TMEM135: variants seen among roughly 807,000 people sequenced by gnomAD.
The protein encoded by TMEM135 is transmembrane protein 135, also known as peroxisomal membrane protein 52.
TMEM135 carries 30 observed loss-of-function variants against 60.3 expected under a neutral mutation model. The ratio of observed to expected loss-of-function variants is 0.50; its 90% CI spans 0.37 to 0.68. The LOEUF is 0.68. Among genes scored for constraint, TMEM135 ranks in the 30% least tolerant of loss-of-function variants. The pLI, the probability that TMEM135 is intolerant of heterozygous loss-of-function variation, is 0.00. For missense variants in TMEM135, 468 were observed against 548.8 expected (o/e 0.85, Z 1.47); for synonymous variants, 190 against 186.7 (o/e 1.02, Z -0.14).
intron 3 of TMEM135, among the ~76,000 whole-genome samples, chr11:87,088,296 CA>C (rs1857138293): frequency 6.6e-6 from 1 of 152,144 alleles, no homozygotes; most frequent in Admixed American, 6.5e-5. Flanking sequence ...CACACCCTTC[CA>C]GTCAAAGCCT....
chr11:87,238,819 A>T (rs1941064981), intron 6 of TMEM135, among the ~76,000 whole-genome samples: 1 of 152,072 alleles, frequency 6.6e-6, no homozygotes, highest in Non-Finnish European at 1.5e-5. Context: ...CTAGAAACAT[A>T]ACTTGTTGAC....
At chr11:87,063,316 C>CT (rs1410614604) in intron 1 of TMEM135, among the ~76,000 whole-genome samples, 4 of 151,564 alleles carry the variant, frequency 2.6e-5, no homozygotes, top group Non-Finnish European at 5.9e-5. Context: ...TATGATGTGC[C>CT]TTTTTTTAGC....
intron 3 of TMEM135, among the ~76,000 whole-genome samples, chr11:87,080,212 C>T (rs1286181101): frequency 1.5e-5 from 2 of 136,674 alleles, no homozygotes; most frequent in Non-Finnish European, 3.0e-5. Context: ...AGATCATTGA[C>T]AGTGATGTTT....
At chr11:87,214,808 AATAAAGT>A (rs1288349488) in intron 5 of TMEM135, among the ~76,000 whole-genome samples, 1 of 152,206 alleles carries the variant, frequency 6.6e-6, no homozygotes, top group South Asian at 2.1e-4. Flanking sequence ...CAAAGTTCTT[AATAAAGT>A]ATAGAGTTAA....
chr11:87,232,159 C>T (rs1024439324), intron 5 of TMEM135, among the ~76,000 whole-genome samples: 1 of 152,050 alleles, frequency 6.6e-6, no homozygotes, highest in Admixed American at 6.6e-5. Context: ...CCATGTTGGA[C>T]AGACTGGTCA....
At chr11:87,121,070 G>A (rs1263538090) in intron 4 of TMEM135, 1 of 152,154 alleles carries the variant, frequency 6.6e-6, no homozygotes, top group African/African-American at 2.4e-5. Context: ...GGAAGAAGGG[G>A]CAGAACAACT....
Position 87,318,177 on chromosome 11 carries a change from A to G in TMEM135, c.1118A>G (p.Tyr373Cys), listed in dbSNP as rs769086722. 34 of 1,612,902 alleles carry G rather than the reference A, an allele frequency of 2.1e-5. No individual in the cohort carries two copies. Among genetic ancestry groups the G allele is most frequent in the Non-Finnish European group, 2.7e-5 (32 of 1,179,728 alleles). The change falls in exon 13 of 15, where the codon TAT (tyrosine) becomes TGT (cysteine). Residue 373 changes from tyrosine to cysteine, a missense_variant. Transcript: ENST00000305494. ...FKGIEAGKVP[Y>C]FPHADTIIYS... ...GGCATTGAAGCAGGGAAGGTTCCCT[A>G]TTTTCCTCATGCAGATACTATCATC... is the stretch of plus-strand genomic sequence containing the variant.
intron 5 of TMEM135, among the ~76,000 whole-genome samples, chr11:87,217,485 G>A (rs1050321847): frequency 9.9e-5 from 15 of 152,146 alleles, no homozygotes; most frequent in African/African-American, 3.6e-4. Context: ...AAATAGAACT[G>A]TTCTAAAAAG....
intron 6 of TMEM135, among the ~76,000 whole-genome samples, chr11:87,245,078 A>G (rs1370748531): frequency 7.3e-6 from 1 of 136,114 alleles, no homozygotes; most frequent in Non-Finnish European, 1.6e-5. Flanking sequence ...TTCAAAGAAC[A>G]TCTTTATTTC....
chr11:87,179,461 G>A (rs1316664175), intron 5 of TMEM135, among the ~76,000 whole-genome samples: 1 of 151,858 alleles, frequency 6.6e-6, no homozygotes, highest in African/African-American at 2.4e-5. Context: ...CCTAGTTGGG[G>A]GTCACAAAGA....
At chr11:87,140,503 A>G (rs1938233104) in intron 4 of TMEM135, among the ~76,000 whole-genome samples, 2 of 152,202 alleles carry the variant, frequency 1.3e-5, no homozygotes, top group Non-Finnish European at 2.9e-5. Context: ...TTTATGTTAT[A>G]GTTACAAAGG....
intron 5 of TMEM135, 86 bp downstream of exon 5, chr11:87,157,492 C>G: frequency 1.7e-6 from 2 of 1,185,070 alleles, no homozygotes; most frequent in South Asian, 1.3e-5. Context: ...ATCTATGATG[C>G]TTTGTCTAAG....
chr11:87,143,884 C>G (rs1938333521), intron 4 of TMEM135, among the ~76,000 whole-genome samples: 1 of 152,098 alleles, frequency 6.6e-6, no homozygotes, highest in South Asian at 2.1e-4. Context: ...GGTGCGCACC[C>G]CTTGGCAAGA....
chr11:87,142,621 A>G (rs771724087), intron 4 of TMEM135, among the ~76,000 whole-genome samples: 2 of 152,020 alleles, frequency 1.3e-5, no homozygotes, highest in African/African-American at 2.4e-5. Flanking sequence ...AAATTTGAGT[A>G]TGATGTGTCC....
At chr11:87,160,772 C>A (rs1938849008) in intron 5 of TMEM135, among the ~76,000 whole-genome samples, 1 of 152,182 alleles carries the variant, frequency 6.6e-6, no homozygotes, top group Non-Finnish European at 1.5e-5. Flanking sequence ...AAAAAATACC[C>A]TTCACAAATC....
Position 87,320,971 on chromosome 11 carries a change from A to G in TMEM135, c.1245-230A>G, listed in dbSNP as rs1190437180. On this transcript the variant is annotated intron_variant, in intron 14 of 14. Transcript: ENST00000305494. ...AATCTCTGCGGTTTCAGATCTGGGG[A>G]TTATCTCTTTAATCCTTAATCCTAA... 2.6e-5 allele frequency among the ~76,000 whole-genome samples: 4 copies of G among 152,078 alleles called. No homozygotes were observed. In the East Asian group the frequency reaches 7.7e-4, roughly 29 times the overall value.
Position 87,180,573 on chromosome 11 carries a change from G to A in TMEM135, c.462+23167G>A, listed in dbSNP as rs185437444. On this transcript the variant is annotated intron_variant, in intron 5 of 14. Coordinates refer to ENST00000305494, the MANE Select transcript of TMEM135 (RefSeq NM_022918.4). ...GACATCCCTAAGCTGAGCATGTGTG[G>A]AACTTTTTCAAGGAGATGAAATAAA... Among the ~76,000 whole-genome samples the A allele has an allele frequency of 1.4e-4, 21 of 152,188 alleles. No individual in the cohort carries two copies. In the East Asian group the frequency reaches 3.3e-3, roughly 24 times the overall value.
intron 4 of TMEM135, among the ~76,000 whole-genome samples, chr11:87,156,831 A>G (rs987066267): frequency 3.3e-5 from 5 of 152,200 alleles, no homozygotes; most frequent in African/African-American, 1.2e-4. Flanking sequence ...TAAATGCTAC[A>G]TTTGAACTTA....
At chr11:87,163,084 T>C (rs1938934107) in intron 5 of TMEM135, among the ~76,000 whole-genome samples, 1 of 151,444 alleles carries the variant, frequency 6.6e-6, no homozygotes, top group African/African-American at 2.4e-5. Flanking sequence ...ATGTGCACAT[T>C]GTGCAGGTTA....
Sources: gnomAD v4.1 joint callset for allele counts (sites outside exome capture counted in the v4.1 genomes callset) on GRCh38, gnomAD v4.1.1 for gene constraint, MANE v1.5 for transcripts, NCBI Gene and HGNC (gene_info 2026-07-23, HGNC 2026-07-21) for gene names.